Variants in SLC22A23 observed in about 807,000 individuals in gnomAD.
SLC22A23 encodes solute carrier family 22 member 23.
A neutral mutation model predicts 61.0 loss-of-function variants in SLC22A23; 26 were observed. That is an observed-to-expected ratio of 0.43 (90% confidence interval 0.31 to 0.59). The LOEUF is 0.59. Among genes scored for constraint, SLC22A23 ranks in the 20% least tolerant of loss-of-function variants. SLC22A23 has a pLI of 0.11. For missense variants in SLC22A23, 796 were observed against 934.7 expected, an observed-to-expected ratio of 0.85 and a Z score of 1.94; for synonymous variants, 430 against 413.9, an observed-to-expected ratio of 1.04 and a Z score of -0.47.
chr6:3,411,631 C>CA (rs35882839), intron 2 of SLC22A23, among the ~76,000 whole-genome samples: 13,700 of 146,690 alleles, frequency 0.093, 666 homozygotes, highest in Middle Eastern at 0.13. Flanking sequence ...AATAAAACTT[C>CA]AAAAAAAAAA....
Position 3,454,326 on chromosome 6 carries a change from T to C in SLC22A23, c.654+1580A>G, listed in dbSNP as rs1434687485. Among the ~76,000 whole-genome samples, 1 of 152,204 alleles carries C rather than the reference T, an allele frequency of 6.6e-6. No homozygotes were observed. The highest frequency in any genetic ancestry group is 2.4e-5 in the African/African-American group (1 of 41,444). ...CCCACCGTGCATGGCTGAGTGTGAATAGCTGTTTCCTGGGTCCTCACTGCC... is the reference window on the plus strand; with the variant it reads ...CCCACCGTGCATGGCTGAGTGTGAACAGCTGTTTCCTGGGTCCTCACTGCC... On this transcript the variant is annotated intron_variant, in intron 1 of 9. Coordinates refer to ENST00000406686, the MANE Select transcript of SLC22A23 (RefSeq NM_015482.2). This position sits in a 1 kb window ranked among gnomAD's most constrained non-coding sequence, Gnocchi z 4.3.
At position 3,273,185 on chromosome 6, in the gene SLC22A23, T is replaced by C. The variant is rs141223516; in HGVS notation, c.1931A>G (p.His644Arg). Reference sequence around the variant, plus strand: ...CAGCAGTGGCTGCTCCCCCTTCTTGTGCGGCAGCAGCGGCTGGCGCGTGTA... The same window carrying C: ...CAGCAGTGGCTGCTCCCCCTTCTTGCGCGGCAGCAGCGGCTGGCGCGTGTA... ...EHYTRQPLLP[H>R]KKGEQPLLLT... Residue 644 changes from histidine to arginine, a missense_variant, in exon 10 of 10, where the codon CAC (histidine) becomes CGC (arginine). Physicochemically the swap from His to Arg is conservative, Grantham distance 29 (BLOSUM62 0). Transcript: ENST00000406686. 1 of 1,613,218 alleles carries C rather than the reference T, an allele frequency of 6.2e-7. No individual in the cohort carries two copies. Among genetic ancestry groups the C allele is most frequent in the African/African-American group, 1.3e-5 (1 of 75,068 alleles).
chr6:3,377,777 A>C (rs1015634998), intron 3 of SLC22A23: 3 of 152,488 alleles, frequency 2.0e-5, no homozygotes, highest in Non-Finnish European at 4.4e-5. Flanking sequence ...ACAACATCCC[A>C]AGATGGAATG....
At chr6:3,380,786 A>T (rs1293794649) in intron 3 of SLC22A23, among the ~76,000 whole-genome samples, 1 of 152,180 alleles carries the variant, frequency 6.6e-6, no homozygotes, top group Non-Finnish European at 1.5e-5. Flanking sequence ...TCTTATTCAC[A>T]ATACATGCCT....
chr6:3,292,279 CTA>C (rs1191897003), intron 5 of SLC22A23, among the ~76,000 whole-genome samples: 1 of 152,226 alleles, frequency 6.6e-6, no homozygotes, highest in Non-Finnish European at 1.5e-5. Flanking sequence ...AGGCAGCGCT[CTA>C]TGTTATAGGA....
chr6:3,299,252 G>A (rs1761402762), intron 4 of SLC22A23, among the ~76,000 whole-genome samples: 1 of 152,244 alleles, frequency 6.6e-6, no homozygotes, highest in African/African-American at 2.4e-5. Context: ...AAAGCATGGA[G>A]AAACAATTCA....
At chr6:3,313,884 C>T (rs559117638) in intron 4 of SLC22A23, among the ~76,000 whole-genome samples, 1 of 152,322 alleles carries the variant, frequency 6.6e-6, no homozygotes, top group South Asian at 2.1e-4. Context: ...ACAGAATTAG[C>T]TGGGCATGGT....
At position 3,442,045 on chromosome 6, in the gene SLC22A23, G is replaced by A. The variant is rs1287548892; in HGVS notation, c.654+13861C>T. ...GCGACCCAAGTGTCTGCCGATGGGT[G>A]AACAAACAAACAGAATGTGGTGCAG... On this transcript the variant is annotated intron_variant, in intron 1 of 9. Transcript: ENST00000406686. Among the ~76,000 whole-genome samples the A allele has an allele frequency of 4.6e-5, 7 of 152,314 alleles. No individual in the cohort carries two copies. The East Asian group carries it at 7.7e-4, about 17-fold the overall frequency.
chr6:3,452,657 G>T lies in SLC22A23; in HGVS notation c.654+3249C>A, dbSNP rs200361358. Among the ~76,000 whole-genome samples the T allele has an allele frequency of 2.2e-5, 3 of 138,866 alleles. No homozygotes were observed. The East Asian group carries it at 6.4e-4, about 30-fold the overall frequency. 91.1% of individuals were successfully genotyped at this position (138,866 alleles called of 152,430 possible). On this transcript the variant is annotated intron_variant, in intron 1 of 9. Coordinates refer to ENST00000406686, the MANE Select transcript of SLC22A23 (RefSeq NM_015482.2). ...AAAAAAAGCCTAGAGACTGACCTTG[G>T]GTTATTATTCTTAATCAAAGAAAAT...
In SLC22A23 at chr6:3,323,822, GA is replaced by G; in HGVS notation, c.1082+11del. The G allele has an allele frequency of 1.9e-6, 3 of 1,611,312 alleles. No homozygotes were observed. The highest frequency in any genetic ancestry group is 2.5e-6 in the Non-Finnish European group (3 of 1,178,248). On this transcript the variant is annotated intron_variant, in intron 4 of 9. Coordinates refer to ENST00000406686, the MANE Select transcript of SLC22A23 (RefSeq NM_015482.2). ...TCGCACCAGCCCAGGGCGCTGTGCA[GA>G]GTGTACTCACGACCAGTAGAGCAGC...
intron 3 of SLC22A23, among the ~76,000 whole-genome samples, chr6:3,376,247 C>T (rs142970038): frequency 3.1e-4 from 47 of 152,324 alleles, no homozygotes; most frequent in African/African-American, 1.1e-3. Context: ...CCTCCTCCTT[C>T]TTCATTTCAA....
At chr6:3,404,693 C>A (rs538307422) in intron 3 of SLC22A23, among the ~76,000 whole-genome samples, 1 of 152,280 alleles carries the variant, frequency 6.6e-6, no homozygotes, top group Non-Finnish European at 1.5e-5. Flanking sequence ...ACTGCCTCAC[C>A]AGATGCTTCT....
Position 3,322,879 on chromosome 6 carries a change from A to G in SLC22A23, c.1082+955T>C, listed in dbSNP as rs1279383428. On this transcript the variant is annotated intron_variant, in intron 4 of 9. Transcript: ENST00000406686. This position sits in a 1 kb window ranked among gnomAD's most constrained non-coding sequence, Gnocchi z 4.1. The stretch of plus-strand genomic sequence containing the variant: ...CTAAATAGTAGCAATACAGGGCCAC[A>G]TCCATGATCTACTTATGGGTAAGGT... Among the ~76,000 whole-genome samples, 2 of 152,196 alleles carry G rather than the reference A, an allele frequency of 1.3e-5. No individual in the cohort carries two copies. The highest frequency in any genetic ancestry group is 2.9e-5 in the Non-Finnish European group (2 of 68,034).
At chr6:3,276,448 G>A (rs1758912334) in intron 9 of SLC22A23, among the ~76,000 whole-genome samples, 1 of 152,164 alleles carries the variant, frequency 6.6e-6, no homozygotes, top group Admixed American at 6.5e-5. Flanking sequence ...CCTCACCATT[G>A]CCAAACCGAT....
chr6:3,410,359 A>G lies in SLC22A23; in HGVS notation c.759-17T>C. ...CGGCCGACCCTGCATATGGAGAGGG[A>G]AAAAGTTAGGAATCATTGTGAAACA... is the stretch of plus-strand genomic sequence containing the variant. On this transcript the variant is annotated splice_polypyrimidine_tract_variant and intron_variant, in intron 2 of 9. Coordinates refer to ENST00000406686, the MANE Select transcript of SLC22A23 (RefSeq NM_015482.2). This position sits in a 1 kb window ranked among gnomAD's most constrained non-coding sequence, Gnocchi z 5.0. The G allele has an allele frequency of 6.4e-7, 1 of 1,571,372 alleles. No individual in the cohort carries two copies. The highest frequency in any genetic ancestry group is 1.4e-5 in the African/African-American group (1 of 73,370).
At position 3,390,867 on chromosome 6, in the gene SLC22A23, C is replaced by G. The variant is rs962695532; in HGVS notation, c.913+19321G>C. 1.3e-5 allele frequency among the ~76,000 whole-genome samples: 2 copies of G among 152,180 alleles called. No individual in the cohort carries two copies. The highest frequency in any genetic ancestry group is 4.8e-5 in the African/African-American group (2 of 41,432). The stretch of plus-strand genomic sequence containing the variant: ...TCCAATGCGGAAGCTGGAGTTCTGC[C>G]CAGAAGCCGCACCCAGAGATCTGAG... On this transcript the variant is annotated intron_variant, in intron 3 of 9. Transcript: ENST00000406686. The surrounding 1 kb of genome is among the most constrained non-coding windows in gnomAD (Gnocchi z 4.0).
chr6:3,405,636 T>TTA (rs11370588), intron 3 of SLC22A23, among the ~76,000 whole-genome samples: 6 of 151,786 alleles, frequency 4.0e-5, no homozygotes, highest in African/African-American at 1.5e-4. Context: ...TTTTTTTTTT[T>TTA]ACATATATAG....
At chr6:3,405,056 C>T (rs1005044559) in intron 3 of SLC22A23, among the ~76,000 whole-genome samples, 2 of 151,750 alleles carry the variant, frequency 1.3e-5, no homozygotes, top group African/African-American at 4.8e-5. Flanking sequence ...GTCAGGAGAT[C>T]GAGACCAGCC....
rs191842931 is a variant in SLC22A23 at position 3,333,688 on chromosome 6, C to T, written c.914-9686G>A. Among the ~76,000 whole-genome samples the T allele has an allele frequency of 1.5e-3, 235 of 152,308 alleles. No individual in the cohort carries two copies. The highest frequency in any genetic ancestry group is 5.2e-3 in the African/African-American group (217 of 41,566). ...CCTGCCCTCTTGCTTCCCCATGTTGCGACCACACAGAGGAGAGTGCCTCCC... is the reference window on the plus strand; with the variant it reads ...CCTGCCCTCTTGCTTCCCCATGTTGTGACCACACAGAGGAGAGTGCCTCCC... On this transcript the variant is annotated intron_variant, in intron 3 of 9. Transcript: ENST00000406686. This position sits in a 1 kb window ranked among gnomAD's most constrained non-coding sequence, Gnocchi z 4.1.
Sources: allele counts gnomAD v4.1 joint callset (sites outside exome capture counted in the v4.1 genomes callset), GRCh38; gene constraint gnomAD v4.1.1; non-coding constraint Gnocchi (gnomAD v3.1); transcripts MANE v1.5; gene names NCBI Gene and HGNC (gene_info 2026-07-23, HGNC 2026-07-21).